Variants in NEO1 observed in about 807,000 individuals in gnomAD.
NEO1 encodes the protein neogenin.
In NEO1, 63 loss-of-function variants were observed where a neutral mutation model predicts 159.7. That is an observed-to-expected ratio of 0.39 (90% CI 0.32 to 0.49). The LOEUF (loss-of-function observed/expected upper bound fraction) is 0.49, where lower values mean the gene tolerates loss of function less well. NEO1 is among the 20% of genes least tolerant of loss of function. The pLI is 0.85. For missense variants in NEO1, 1,615 were observed against 1,831.0 expected (o/e 0.88, Z 2.15); for synonymous variants, 633 against 662.0 (o/e 0.96, Z 0.67).
chr15:73,269,844 G>A (rs760524542), intron 16 of NEO1, among the ~76,000 whole-genome samples, 166 bp from the exon 17 acceptor site: 2 of 152,040 alleles, frequency 1.3e-5, no homozygotes, highest in Non-Finnish European at 2.9e-5. Flanking sequence ...GAACACAAGT[G>A]GAAATAGTCT....
At chr15:73,142,312 G>A (rs1409378473) in intron 5 of NEO1, among the ~76,000 whole-genome samples, 2 of 152,146 alleles carry the variant, frequency 1.3e-5, no homozygotes, top group Non-Finnish European at 2.9e-5. Context: ...AAGCTGCGAT[G>A]ACAAGCATCA....
At chr15:73,195,334 T>C (rs1418963082) in intron 7 of NEO1, among the ~76,000 whole-genome samples, 2 of 152,196 alleles carry the variant, frequency 1.3e-5, no homozygotes, top group African/African-American at 2.4e-5. Context: ...GTTGGCAAAA[T>C]ATCATTTGAG....
chr15:73,052,821 G>A lies in NEO1; in HGVS notation c.130+16G>A. 2 of 768,220 alleles carry A rather than the reference G, an allele frequency of 2.6e-6. No individual in the cohort carries two copies. The highest frequency in any genetic ancestry group is 5.8e-5 in the South Asian group (1 of 17,184). 47.6% of individuals were successfully genotyped at this position (768,220 alleles called of 1,614,324 possible). A position where few individuals can be genotyped will look rare whatever the true frequency, so the allele number is the denominator to read the frequency against. On this transcript the variant is annotated intron_variant, in intron 1 of 28. Coordinates refer to ENST00000261908, the MANE Select transcript of NEO1 (RefSeq NM_002499.4). ...CAGTCCCCAGGTAAGCGGCGGGCGC[G>A]GGCCCGGGGGTTCGCGGGGGCGCGG...
intron 7 of NEO1, among the ~76,000 whole-genome samples, chr15:73,213,903 C>A (rs992491157): frequency 1.3e-5 from 2 of 152,072 alleles, no homozygotes; most frequent in Non-Finnish European, 2.9e-5. Flanking sequence ...AGAAGTGTTC[C>A]CTGTTCACCG....
intron 1 of NEO1, among the ~76,000 whole-genome samples, chr15:73,090,383 A>T (rs1386465435): frequency 6.6e-6 from 1 of 151,968 alleles, no homozygotes; most frequent in Non-Finnish European, 1.5e-5. Context: ...AAAAAGTAAA[A>T]TCTCTAAGCT....
At chr15:73,174,609 A>T (rs146887478) in intron 5 of NEO1, among the ~76,000 whole-genome samples, 1 of 152,286 alleles carries the variant, frequency 6.6e-6, no homozygotes, top group Admixed American at 6.5e-5. Flanking sequence ...AATTAAGCCC[A>T]TCACTCTGCT....
At chr15:73,159,428 G>A (rs2078180702) in intron 5 of NEO1, among the ~76,000 whole-genome samples, 1 of 152,042 alleles carries the variant, frequency 6.6e-6, no homozygotes, top group African/African-American at 2.4e-5. Flanking sequence ...TTGTGTCTCG[G>A]TGTTGGGTCC....
chr15:73,273,021 C>A (rs956504667), intron 19 of NEO1, among the ~76,000 whole-genome samples: 2 of 149,952 alleles, frequency 1.3e-5, no homozygotes, highest in South Asian at 2.2e-4. Context: ...TTCACTGCCC[C>A]CCGAGACCTG....
upstream of NEO1, among the ~76,000 whole-genome samples, chr15:73,052,318 CCCGCCG>C (rs1567080377): frequency 8.0e-6 from 1 of 124,680 alleles, no homozygotes; most frequent in Admixed American, 7.9e-5. Flanking sequence ...CGCCCCCGCC[CCCGCCG>C]TCCGCGGTCT....
intron 1 of NEO1, among the ~76,000 whole-genome samples, chr15:73,107,513 T>C (rs1281094081): frequency 6.6e-6 from 1 of 152,184 alleles, no homozygotes; most frequent in Non-Finnish European, 1.5e-5. Flanking sequence ...GTACCTAGAA[T>C]ACTAGTATCA....
chr15:73,278,016 C>T, intron 21 of NEO1, 115 bp from the exon 22 acceptor site: 1 of 818,054 alleles, frequency 1.2e-6, no homozygotes, highest in Non-Finnish European at 1.9e-6. Context: ...TTTATTTTCT[C>T]ATGGACAGAA....
At position 73,147,817 on chromosome 15, in the gene NEO1, C is replaced by CT. The variant is rs34612116; in HGVS notation, c.1015+11804dup. Among the ~76,000 whole-genome samples, 108 of 139,798 alleles carry CT rather than the reference C, an allele frequency of 7.7e-4. 3 individuals carry two copies. The East Asian group carries it at 9.0e-3, about 12-fold the overall frequency. 91.7% of individuals were successfully genotyped at this position (139,798 alleles called of 152,430 possible). On this transcript the variant is annotated intron_variant, in intron 5 of 28. Transcript: ENST00000261908. ...ATATTCAGTTTTATTGGTGGAATGT[C>CT]TTTTTTTTTTTTTTGAGACAAAATC...
intron 15 of NEO1, among the ~76,000 whole-genome samples, chr15:73,265,130 T>C (rs1452256902): frequency 1.3e-5 from 2 of 151,988 alleles, no homozygotes; most frequent in Non-Finnish European, 2.9e-5. Context: ...AACTGATAAG[T>C]GGCCGGTAAT....
At chr15:73,063,596 G>T (rs541082155) in intron 1 of NEO1, among the ~76,000 whole-genome samples, 1 of 151,450 alleles carries the variant, frequency 6.6e-6, no homozygotes, top group Non-Finnish European at 1.5e-5. Context: ...TTTTGAAGCC[G>T]TAAGTAGGGT....
intron 1 of NEO1, among the ~76,000 whole-genome samples, chr15:73,059,102 A>T (rs2067858287): frequency 6.6e-6 from 1 of 152,182 alleles, no homozygotes; most frequent in Non-Finnish European, 1.5e-5. Flanking sequence ...ATTGTGAGGT[A>T]TTTTAAGATA....
At chr15:73,280,133 G>C (rs1403369650) in intron 22 of NEO1, among the ~76,000 whole-genome samples, 1 of 152,008 alleles carries the variant, frequency 6.6e-6, no homozygotes, top group East Asian at 1.9e-4. Flanking sequence ...TTAGGGAGCT[G>C]TTACAGGCCA....
chr15:73,230,783 G>T (rs2038865498), intron 7 of NEO1, among the ~76,000 whole-genome samples: 1 of 151,854 alleles, frequency 6.6e-6, no homozygotes, highest in Admixed American at 6.6e-5. Flanking sequence ...GTAGAGATGG[G>T]GTCTCACTAT....
chr15:73,112,179 A>G (rs956895322), intron 1 of NEO1, among the ~76,000 whole-genome samples: 1 of 152,098 alleles, frequency 6.6e-6, no homozygotes, highest in Non-Finnish European at 1.5e-5. Flanking sequence ...CTGATTCTAC[A>G]TCAACTGAAA....
At chr15:73,057,567 A>G (rs1173990876) in intron 1 of NEO1, among the ~76,000 whole-genome samples, 2 of 152,166 alleles carry the variant, frequency 1.3e-5, no homozygotes, top group Non-Finnish European at 2.9e-5. Flanking sequence ...ACGATTTTGA[A>G]AAATTAACTT....
Sources: gnomAD v4.1 joint callset for allele counts (sites outside exome capture counted in the v4.1 genomes callset) on GRCh38, gnomAD v4.1.1 for gene constraint, MANE v1.5 for transcripts, NCBI Gene and HGNC (gene_info 2026-07-23, HGNC 2026-07-21) for gene names.